Variants in RASGRF1 observed in about 807,000 individuals in gnomAD.
RASGRF1 encodes ras-specific guanine nucleotide-releasing factor 1.
RASGRF1 carries 40 observed loss-of-function variants against 138.7 expected under a neutral mutation model. The ratio of observed to expected loss-of-function variants is 0.29; its 90% CI spans 0.22 to 0.38. RASGRF1 has a LOEUF of 0.38. Ranked by LOEUF, RASGRF1 falls within the 10% of genes least tolerant of loss-of-function variation. The pLI is 1.00. For synonymous variants in RASGRF1, 614 were observed against 663.2 expected (o/e 0.93, Z 1.14); for missense variants, 1,108 against 1,650.4 (o/e 0.67, Z 5.69).
chr15:78,977,200 A>G (rs942822716), intron 24 of RASGRF1, among the ~76,000 whole-genome samples: 1 of 151,868 alleles, frequency 6.6e-6, no homozygotes, highest in Non-Finnish European at 1.5e-5. Context: ...TTTCTCTCCA[A>G]CTTCTCTCTT....
intron 1 of RASGRF1, among the ~76,000 whole-genome samples, chr15:79,079,457 CA>C (rs11444328): frequency 0.012 from 1,642 of 133,176 alleles, 20 homozygotes; most frequent in African/African-American, 0.044. Flanking sequence ...AGAGACTGGC[CA>C]AAAAAAAAAA....
intron 24 of RASGRF1, among the ~76,000 whole-genome samples, chr15:78,977,779 T>C (rs2055904839): frequency 6.6e-6 from 1 of 152,220 alleles, no homozygotes; most frequent in South Asian, 2.1e-4. Flanking sequence ...CCTATTCAAA[T>C]TAAACACAAA....
In RASGRF1 at chr15:79,032,409, G is replaced by A. The variant is rs1174364081; in HGVS notation, c.959-93C>T. The A allele has an allele frequency of 6.4e-6, 8 of 1,252,798 alleles. No individual in the cohort carries two copies. Among genetic ancestry groups the A allele is most frequent in the African/African-American group, 1.5e-5 (1 of 67,480 alleles). 77.6% of individuals were successfully genotyped at this position (1,252,798 alleles called of 1,614,324 possible). A position where few individuals can be genotyped will look rare whatever the true frequency, so the allele number is the denominator to read the frequency against. ...GGCTCCCCCAGCTACACCCAGAGAG[G>A]CCAGGGGCCAGGTTCAAGTTCCCCA... On this transcript the variant is annotated intron_variant, in intron 6 of 26. Transcript: ENST00000558480. The surrounding 1 kb of genome is among the most constrained non-coding windows in gnomAD (Gnocchi z 4.5).
In RASGRF1 at chr15:78,990,270, C is replaced by T. The variant is rs1437391906; in HGVS notation, c.3135G>A (p.Glu1045=). 5.0e-6 allele frequency: 8 copies of T among 1,603,542 alleles called. No homozygotes were observed. Among genetic ancestry groups the T allele is most frequent in the Non-Finnish European group, 5.1e-6 (6 of 1,170,364 alleles). Residue 1045 remains glutamate, a synonymous_variant, in exon 22 of 27, where the codon GAG becomes GAA. Coordinates refer to ENST00000558480, the MANE Select transcript of RASGRF1 (RefSeq NM_001145648.3). Reference sequence around the variant, plus strand: ...GTTTCATCCATCCTTGTCCGAAGAACTCCCTGTAGGAAGTAAGGGGAGACC... The same window carrying T: ...GTTTCATCCATCCTTGTCCGAAGAATTCCCTGTAGGAAGTAAGGGGAGACC... ...HLVFKKIPYE[E]FFGQGWMKLE... is the part of the protein sequence containing the mutation.
chr15:79,033,583 T>TC (rs1200686950), intron 6 of RASGRF1, among the ~76,000 whole-genome samples: 3 of 131,602 alleles, frequency 2.3e-5, no homozygotes, highest in South Asian at 2.8e-4. Context: ...TTTCTTTTCT[T>TC]TTTTTTTTTT....
At chr15:79,045,839 T>C (rs2141023334) in intron 5 of RASGRF1, among the ~76,000 whole-genome samples, 1 of 152,354 alleles carries the variant, frequency 6.6e-6, no homozygotes, top group East Asian at 1.9e-4. Flanking sequence ...TGCAGAGGGC[T>C]TGGAGAAAAG....
chr15:78,975,697 G>C (rs2141606747), intron 24 of RASGRF1, among the ~76,000 whole-genome samples: 1 of 152,060 alleles, frequency 6.6e-6, no homozygotes, highest in South Asian at 2.1e-4. Flanking sequence ...TTTTGGTAGG[G>C]ACAGAAATTT....
chr15:79,000,910 C>T (rs547561685), intron 16 of RASGRF1, among the ~76,000 whole-genome samples: 1 of 152,256 alleles, frequency 6.6e-6, no homozygotes, highest in East Asian at 1.9e-4. Flanking sequence ...GTGGGGAGTT[C>T]AGGCTGCAGG....
At chr15:78,970,777 C>A (rs1337034247) in intron 26 of RASGRF1, among the ~76,000 whole-genome samples, 1 of 151,014 alleles carries the variant, frequency 6.6e-6, no homozygotes, top group Non-Finnish European at 1.5e-5. Flanking sequence ...AACATGCCAA[C>A]CATTCTTTTT....
intron 8 of RASGRF1, among the ~76,000 whole-genome samples, chr15:79,030,249 G>T (rs776847564): frequency 1.3e-5 from 2 of 152,140 alleles, no homozygotes; most frequent in African/African-American, 4.8e-5. Flanking sequence ...GGCACTGAGT[G>T]TTTGGCAGTG....
At chr15:78,967,671 T>C (rs960573332) in intron 26 of RASGRF1, among the ~76,000 whole-genome samples, 2 of 152,246 alleles carry the variant, frequency 1.3e-5, no homozygotes, top group African/African-American at 4.8e-5. Context: ...ACATATTTCT[T>C]CCAGTATTTA....
chr15:79,026,021 A>G (rs933354570), intron 9 of RASGRF1, among the ~76,000 whole-genome samples: 2 of 152,006 alleles, frequency 1.3e-5, no homozygotes, highest in South Asian at 2.1e-4. Flanking sequence ...CAGAGCCCAG[A>G]CAGAGCTTCT....
intron 2 of RASGRF1, among the ~76,000 whole-genome samples, chr15:79,059,856 AG>A (rs1385254679): frequency 6.6e-6 from 1 of 152,146 alleles, no homozygotes; most frequent in Non-Finnish European, 1.5e-5. Context: ...TTTCGTACAT[AG>A]GAAGTATCTA....
chr15:78,995,859 A>C, intron 19 of RASGRF1, 59 bp from the exon 20 acceptor site: 1 of 1,551,304 alleles, frequency 6.4e-7, no homozygotes, highest in South Asian at 1.1e-5. Flanking sequence ...GCCCCTCCCC[A>C]GCTCGGACAG....
At chr15:79,045,727 G>C (rs1595934664) in intron 5 of RASGRF1, among the ~76,000 whole-genome samples, 1 of 152,114 alleles carries the variant, frequency 6.6e-6, no homozygotes, top group African/African-American at 2.4e-5. Flanking sequence ...ACATCCCCAC[G>C]CTGGGGTGTT....
intron 26 of RASGRF1, among the ~76,000 whole-genome samples, chr15:78,968,914 T>C (rs2055697332): frequency 6.6e-6 from 1 of 152,206 alleles, no homozygotes; most frequent in Non-Finnish European, 1.5e-5. Flanking sequence ...CGGACTTTAA[T>C]AAAAACCTGT....
chr15:78,973,188 T>A lies in RASGRF1; in HGVS notation c.3612+115A>T. 1.3e-6 allele frequency: 1 copy of A among 789,672 alleles called. No individual in the cohort carries two copies. The highest frequency in any genetic ancestry group is 2.5e-5 in the Admixed American group (1 of 39,894). 48.9% of individuals were successfully genotyped at this position (789,672 alleles called of 1,614,324 possible). ...GGGAAGCTGGACCCAGGCTCCCAAATGGGGGCACCCTATGCAGCAGGTTGG... is the reference window on the plus strand; with the variant it reads ...GGGAAGCTGGACCCAGGCTCCCAAAAGGGGGCACCCTATGCAGCAGGTTGG... On this transcript the variant is annotated intron_variant, in intron 25 of 26. Transcript: ENST00000558480. This position sits in a 1 kb window ranked among gnomAD's most constrained non-coding sequence, Gnocchi z 4.9.
At chr15:79,088,835 C>T (rs1487661097) in intron 1 of RASGRF1, among the ~76,000 whole-genome samples, 1 of 152,210 alleles carries the variant, frequency 6.6e-6, no homozygotes, top group Non-Finnish European at 1.5e-5. Flanking sequence ...GAGCTGCCTG[C>T]TCTTTGCTCT....
At chr15:78,976,006 G>C (rs1363741091) in intron 24 of RASGRF1, among the ~76,000 whole-genome samples, 1 of 152,168 alleles carries the variant, frequency 6.6e-6, no homozygotes. Flanking sequence ...GGTAGCCGTG[G>C]AGTGCTCTAA....
Sources: gnomAD v4.1 joint callset for allele counts (sites outside exome capture counted in the v4.1 genomes callset) on GRCh38, gnomAD v4.1.1 for gene constraint, Gnocchi (gnomAD v3.1) non-coding constraint, MANE v1.5 for transcripts, NCBI Gene and HGNC (gene_info 2026-07-23, HGNC 2026-07-21) for gene names.